Variants in DROSHA observed in about 807,000 individuals in gnomAD.
The protein encoded by DROSHA is drosha ribonuclease III.
A neutral mutation model predicts 181.9 loss-of-function variants in DROSHA; 56 were observed. The observed-to-expected ratio is 0.31, with a 90% confidence interval of 0.25 to 0.38. DROSHA has a LOEUF of 0.38. DROSHA is among the 10% of genes least tolerant of loss of function. The pLI is 1.00. For missense variants in DROSHA, 1,218 were observed against 1,743.5 expected (o/e 0.70, Z 5.37); for synonymous variants, 524 against 591.2 (o/e 0.89, Z 1.65).
At chr5:31,518,107 G>GT (rs2150058703) in intron 6 of DROSHA, among the ~76,000 whole-genome samples, 1 of 150,790 alleles carries the variant, frequency 6.6e-6, no homozygotes, top group South Asian at 2.1e-4. Context: ...TCGGACAGGC[G>GT]GTATAGCCTG....
In DROSHA at chr5:31,409,505, G is replaced by A; in HGVS notation, c.3668-173C>T. The A allele has an allele frequency of 1.6e-6, 1 of 609,646 alleles. No homozygotes were observed. Among genetic ancestry groups the A allele is most frequent in the Non-Finnish European group, 2.9e-6 (1 of 344,114 alleles). 37.8% of individuals were successfully genotyped at this position (609,646 alleles called of 1,614,324 possible). On this transcript the variant is annotated intron_variant, in intron 31 of 35. Transcript: ENST00000344624. The surrounding 1 kb of genome is among the most constrained non-coding windows in gnomAD (Gnocchi z 4.0). ...CCACTTTTTATCATTAATATCAGAA[G>A]CAGCAAGAGATGTGTAAGATGCAAA...
At chr5:31,499,708 C>T (rs56929103) in intron 11 of DROSHA, among the ~76,000 whole-genome samples, 33,476 of 152,124 alleles carry the variant, frequency 0.22, 4,143 homozygotes, top group East Asian at 0.36. Context: ...TCTCAGACTG[C>T]TTGTTCCCCA....
chr5:31,505,846 T>C (rs190818932), intron 10 of DROSHA: 85 of 152,264 alleles, frequency 5.6e-4, no homozygotes, highest in African/African-American at 1.9e-3. Flanking sequence ...GTTATGGAGA[T>C]TTATAACTCA....
Position 31,514,842 on chromosome 5 carries a change from C to A in DROSHA, c.1290+146G>T. The A allele has an allele frequency of 1.4e-6, 1 of 694,860 alleles. No homozygotes were observed. The highest frequency in any genetic ancestry group is 2.4e-6 in the Non-Finnish European group (1 of 425,202). 43.0% of individuals were successfully genotyped at this position (694,860 alleles called of 1,614,324 possible). ...AACTGGGGAGGGGTACTACTGGCAT[C>A]TAACAGGTAGAGCCCAGAGATGCCG... On this transcript the variant is annotated intron_variant, in intron 8 of 35. Coordinates refer to ENST00000344624, the MANE Select transcript of DROSHA (RefSeq NM_001382508.1). This position sits in a 1 kb window ranked among gnomAD's most constrained non-coding sequence, Gnocchi z 4.4.
chr5:31,444,638 C>A (rs1281199659), intron 23 of DROSHA, among the ~76,000 whole-genome samples: 1 of 152,144 alleles, frequency 6.6e-6, no homozygotes, highest in Non-Finnish European at 1.5e-5. Context: ...CTATGGTGTT[C>A]ATGCAGCCAT....
rs73064342 is a variant in DROSHA at position 31,470,794 on chromosome 5, C to T, written c.2241+1269G>A. 0.059 allele frequency among the ~76,000 whole-genome samples: 9,047 copies of T among 152,108 alleles called. 643 individuals carry two copies. Among genetic ancestry groups the T allele is most frequent in the African/African-American group, 0.17 (6,959 of 41,460 alleles). ...AAGTCCAGGGTGAACGTGCTCCCCC[C>T]GTGTCTACCACAGAACATGGAACTC... On this transcript the variant is annotated intron_variant, in intron 17 of 35. Coordinates refer to ENST00000344624, the MANE Select transcript of DROSHA (RefSeq NM_001382508.1). The surrounding 1 kb of genome is among the most constrained non-coding windows in gnomAD (Gnocchi z 4.0).
intron 10 of DROSHA, among the ~76,000 whole-genome samples, chr5:31,505,109 G>A (rs7705073): frequency 0.14 from 21,497 of 152,166 alleles, 3,787 homozygotes; most frequent in African/African-American, 0.41. Context: ...AAAGCCAGAA[G>A]AACTTCCCAC....
chr5:31,417,246 G>A (rs1742054177), intron 30 of DROSHA, among the ~76,000 whole-genome samples: 1 of 152,220 alleles, frequency 6.6e-6, no homozygotes, highest in South Asian at 2.1e-4. Context: ...AGGCCCTGAG[G>A]CAAGGGCTTG....
chr5:31,497,151 C>G (rs1350113490), intron 11 of DROSHA, among the ~76,000 whole-genome samples: 1 of 152,216 alleles, frequency 6.6e-6, no homozygotes, highest in African/African-American at 2.4e-5. Context: ...TGGCACCCAG[C>G]AGGCATCTGA....
At chr5:31,415,668 A>G (rs776801489) in intron 30 of DROSHA, among the ~76,000 whole-genome samples, 6 of 152,196 alleles carry the variant, frequency 3.9e-5, no homozygotes, top group Non-Finnish European at 7.3e-5. Flanking sequence ...TCACCGCTAT[A>G]GTGCATGCCA....
chr5:31,446,972 G>A (rs1479721587), intron 23 of DROSHA, among the ~76,000 whole-genome samples: 6 of 152,096 alleles, frequency 3.9e-5, no homozygotes, highest in African/African-American at 4.8e-5. Flanking sequence ...CCCAGGAGGC[G>A]GAGGTTGCAG....
At chr5:31,421,227 T>G (rs370780086) in intron 30 of DROSHA, 45 bp downstream of exon 30, 1 of 1,483,928 alleles carries the variant, frequency 6.7e-7, no homozygotes, top group African/African-American at 1.4e-5. Flanking sequence ...ATCTTCACTC[T>G]GCTTTACAGC....
chr5:31,472,300 C>G, intron 16 of DROSHA, 68 bp from the exon 17 acceptor site: 2 of 1,473,648 alleles, frequency 1.4e-6, no homozygotes, highest in Non-Finnish European at 1.8e-6. Flanking sequence ...AAATCAACAA[C>G]TGAATAAGGA....
At chr5:31,488,241 A>AC (rs1752009168) in intron 13 of DROSHA, among the ~76,000 whole-genome samples, 1 of 151,856 alleles carries the variant, frequency 6.6e-6, no homozygotes, top group Non-Finnish European at 1.5e-5. Flanking sequence ...ACATGGTGAA[A>AC]CCCCGTCTCT....
At chr5:31,431,517 G>C in intron 26 of DROSHA, 59 bp downstream of exon 26, 1 of 1,555,708 alleles carries the variant, frequency 6.4e-7, no homozygotes, top group East Asian at 2.2e-5. Context: ...AATTTTATGT[G>C]CTCTCCAGAC....
intron 20 of DROSHA, among the ~76,000 whole-genome samples, chr5:31,457,962 A>G (rs1182906420): frequency 6.6e-6 from 1 of 152,182 alleles, no homozygotes; most frequent in Non-Finnish European, 1.5e-5. Flanking sequence ...AATTCTGTGT[A>G]TCCAGTTTGT....
chr5:31,521,315 G>A (rs1445526861), intron 5 of DROSHA, 100 bp from the exon 6 acceptor site: 11 of 1,340,226 alleles, frequency 8.2e-6, no homozygotes, highest in Non-Finnish European at 1.2e-5. Flanking sequence ...ACCACATCTA[G>A]GAATTTTTCA....
At chr5:31,488,564 G>C (rs1580271223) in intron 13 of DROSHA, among the ~76,000 whole-genome samples, 1 of 152,158 alleles carries the variant, frequency 6.6e-6, no homozygotes, top group South Asian at 2.1e-4. Flanking sequence ...GAAGTGCGTG[G>C]AGAGAGAGAG....
intron 30 of DROSHA, among the ~76,000 whole-genome samples, chr5:31,413,003 G>A (rs931639976): frequency 4.6e-5 from 7 of 152,134 alleles, no homozygotes; most frequent in African/African-American, 1.4e-4. Context: ...TCTTTAAGCC[G>A]TGTATATGGA....
Sources: allele counts gnomAD v4.1 joint callset (sites outside exome capture counted in the v4.1 genomes callset), GRCh38; gene constraint gnomAD v4.1.1; non-coding constraint Gnocchi (gnomAD v3.1); transcripts MANE v1.5; gene names NCBI Gene and HGNC (gene_info 2026-07-23, HGNC 2026-07-21).